Variants in AGBL4 observed in about 807,000 individuals in gnomAD.
AGBL4 encodes the protein cytosolic carboxypeptidase 6.
AGBL4 carries 58 observed loss-of-function variants against 66.4 expected under a neutral mutation model. That is an observed-to-expected ratio of 0.87 (90% confidence interval 0.71 to 1.09). The LOEUF (loss-of-function observed/expected upper bound fraction) is 1.09, where lower values mean the gene tolerates loss of function less well. Ranked by LOEUF, AGBL4 falls within the 50% of genes least tolerant of loss-of-function variation. The probability of loss-of-function intolerance (pLI) is 0.00; values close to 1 mark genes in which losing one functional copy is unlikely to be tolerated. For synonymous variants in AGBL4, 234 were observed against 222.9 expected (o/e 1.05, Z -0.44); for missense variants, 579 against 631.0 (o/e 0.92, Z 0.88).
intron 1 of AGBL4, among the ~76,000 whole-genome samples, chr1:49,890,005 T>TA (rs1454395488): frequency 1.3e-5 from 2 of 152,196 alleles, no homozygotes; most frequent in Non-Finnish European, 2.9e-5. Flanking sequence ...ATTGAACCAC[T>TA]GAAGGCAAAA....
chr1:48,749,116 G>A (rs1651244720), intron 6 of AGBL4, among the ~76,000 whole-genome samples: 2 of 152,126 alleles, frequency 1.3e-5, no homozygotes, highest in South Asian at 4.2e-4. Flanking sequence ...GGAGGTCAAG[G>A]TTCTCCCCGA....
intron 4 of AGBL4, among the ~76,000 whole-genome samples, chr1:49,113,358 C>A (rs1645451241): frequency 6.7e-6 from 1 of 150,288 alleles, no homozygotes; most frequent in African/African-American, 2.5e-5. Context: ...GATTCTCATG[C>A]CTCAGCTTCC....
At chr1:49,108,903 G>A (rs725191) in intron 4 of AGBL4, among the ~76,000 whole-genome samples, 66,216 of 151,842 alleles carry the variant, frequency 0.44, 16,888 homozygotes, top group Non-Finnish European at 0.58. Flanking sequence ...ACAGGAGAAC[G>A]CCCTCAGTTC....
intron 2 of AGBL4, among the ~76,000 whole-genome samples, chr1:49,780,622 T>C (rs910259362): frequency 6.6e-6 from 1 of 152,106 alleles, no homozygotes; most frequent in South Asian, 2.1e-4. Flanking sequence ...GCTCTACAGG[T>C]ATAAATTTTC....
In AGBL4 at chr1:48,707,957, T is replaced by C. The variant is rs1029951482; in HGVS notation, c.635-44716A>G. On this transcript the variant is annotated intron_variant, in intron 6 of 13. Coordinates refer to ENST00000371839, the MANE Select transcript of AGBL4 (RefSeq NM_032785.4). ...AAAGGGGCAGGGGAGGAAAAGAACATTGGGTGGGCACTTTCCATGTCTTAA... is the reference window on the plus strand; with the variant it reads ...AAAGGGGCAGGGGAGGAAAAGAACACTGGGTGGGCACTTTCCATGTCTTAA... Among the ~76,000 whole-genome samples, 12 of 152,210 alleles carry C rather than the reference T, an allele frequency of 7.9e-5. No homozygotes were observed. The East Asian group carries it at 1.5e-3, about 20-fold the overall frequency.
At chr1:48,780,824 T>G (rs1019141133) in intron 6 of AGBL4, among the ~76,000 whole-genome samples, 1 of 152,012 alleles carries the variant, frequency 6.6e-6, no homozygotes, top group Non-Finnish European at 1.5e-5. Flanking sequence ...CCATAAAAAC[T>G]CTAGAAGAAA....
At chr1:49,968,219 C>A (rs961037634) in intron 1 of AGBL4, among the ~76,000 whole-genome samples, 205 of 135,288 alleles carry the variant, frequency 1.5e-3, no homozygotes, top group Admixed American at 2.1e-3. Flanking sequence ...GGGAGACTGT[C>A]AAAAAAAAAA....
At chr1:48,543,508 G>A (rs951776061) in intron 11 of AGBL4, among the ~76,000 whole-genome samples, 2 of 152,160 alleles carry the variant, frequency 1.3e-5, no homozygotes, top group Non-Finnish European at 2.9e-5. Flanking sequence ...TGTTTGGTGG[G>A]AGGGGTCTTG....
At chr1:48,982,497 T>C (rs530854905) in intron 5 of AGBL4, among the ~76,000 whole-genome samples, 1 of 152,282 alleles carries the variant, frequency 6.6e-6, no homozygotes, top group East Asian at 1.9e-4. Context: ...GTTTCCAGCT[T>C]CATCCATGTC....
At chr1:49,194,597 TG>T (rs1647189215) in intron 4 of AGBL4, among the ~76,000 whole-genome samples, 1 of 152,204 alleles carries the variant, frequency 6.6e-6, no homozygotes, top group Non-Finnish European at 1.5e-5. Flanking sequence ...GTTTCTTGTT[TG>T]TTTTTTTTTC....
intron 3 of AGBL4, among the ~76,000 whole-genome samples, chr1:49,658,286 T>C (rs1646191402): frequency 6.6e-6 from 1 of 152,058 alleles, no homozygotes; most frequent in African/African-American, 2.4e-5. Flanking sequence ...ATCAGAGAAA[T>C]GCAAATCAAA....
At chr1:49,785,717 A>G (rs2147915366) in intron 2 of AGBL4, among the ~76,000 whole-genome samples, 1 of 151,940 alleles carries the variant, frequency 6.6e-6, no homozygotes, top group East Asian at 1.9e-4. Context: ...TTAATCCCAT[A>G]TGCCACCTAC....
At chr1:49,434,932 C>A (rs1228188647) in intron 3 of AGBL4, among the ~76,000 whole-genome samples, 1 of 152,116 alleles carries the variant, frequency 6.6e-6, no homozygotes, top group African/African-American at 2.4e-5. Context: ...CGAGGGCCCA[C>A]AGAGACAGCA....
At chr1:48,772,549 G>A (rs1386348007) in intron 6 of AGBL4, among the ~76,000 whole-genome samples, 1 of 152,174 alleles carries the variant, frequency 6.6e-6, no homozygotes, top group Admixed American at 6.5e-5. Flanking sequence ...AGAGAGTGAG[G>A]CTGGAGAAGT....
At chr1:48,820,448 T>C (rs749735229) in intron 6 of AGBL4, among the ~76,000 whole-genome samples, 1 of 152,182 alleles carries the variant, frequency 6.6e-6, no homozygotes, top group Non-Finnish European at 1.5e-5. Flanking sequence ...AATTGATAAA[T>C]GTTAAACTAT....
At chr1:49,097,210 T>C (rs1471195550) in intron 4 of AGBL4, among the ~76,000 whole-genome samples, 1 of 152,150 alleles carries the variant, frequency 6.6e-6, no homozygotes, top group African/African-American at 2.4e-5. Context: ...CCAAAAGACA[T>C]AGAATAATAT....
At chr1:49,174,045 G>A (rs1646786837) in intron 4 of AGBL4, among the ~76,000 whole-genome samples, 1 of 152,024 alleles carries the variant, frequency 6.6e-6, no homozygotes, top group Admixed American at 6.6e-5. Flanking sequence ...TTGGAGTTGG[G>A]TTAAGAAACA....
chr1:49,428,916 T>C (rs1483660380), intron 3 of AGBL4, among the ~76,000 whole-genome samples: 1 of 152,228 alleles, frequency 6.6e-6, no homozygotes, highest in African/African-American at 2.4e-5. Context: ...TTACAGGGAG[T>C]TTATTTTTTC....
At chr1:49,999,177 C>T (rs553715983) in intron 1 of AGBL4, among the ~76,000 whole-genome samples, 6 of 151,868 alleles carry the variant, frequency 4.0e-5, no homozygotes, top group Admixed American at 3.9e-4. Flanking sequence ...ACCCAGAAAA[C>T]CCTACAGACT....
Sources: gnomAD v4.1 joint callset for allele counts (sites outside exome capture counted in the v4.1 genomes callset) on GRCh38, gnomAD v4.1.1 for gene constraint, MANE v1.5 for transcripts, NCBI Gene and HGNC (gene_info 2026-07-23, HGNC 2026-07-21) for gene names.